YY1AP1: variants seen among roughly 807,000 people sequenced by gnomAD.
The protein encoded by YY1AP1 is YY1-associated protein 1.
In YY1AP1, 43 loss-of-function variants were observed where a neutral mutation model predicts 39.9. The observed-to-expected ratio is 1.08, with a 90% confidence interval of 0.84 to 1.39. The LOEUF is 1.39. Among genes scored for constraint, YY1AP1 ranks in the 40% most tolerant of loss-of-function variants. YY1AP1 has a pLI of 0.00. For synonymous variants in YY1AP1, 292 were observed against 331.3 expected (o/e 0.88, Z 1.29); for missense variants, 813 against 900.7 (o/e 0.90, Z 1.25).
intron 2 of YY1AP1, among the ~76,000 whole-genome samples, chr1:155,682,723 T>C (rs942292270): frequency 6.6e-6 from 1 of 152,134 alleles, no homozygotes; most frequent in African/African-American, 2.4e-5. Flanking sequence ...AACTATCCAA[T>C]GGAATTCCTG....
intron 6 of YY1AP1, 120 bp downstream of exon 6, chr1:155,674,890 A>G: frequency 1.2e-6 from 1 of 822,094 alleles, no homozygotes; most frequent in Non-Finnish European, 2.0e-6. Context: ...GCTTATGTTC[A>G]CTCAGCAAAC....
Position 155,670,305 on chromosome 1 carries a change from A to G in YY1AP1, c.728+15T>C, listed in dbSNP as rs1649660914. On this transcript the variant is annotated intron_variant, in intron 8 of 10. Transcript: ENST00000355499. ...TTCTCCTTGGGATATTTGATCCCCC[A>G]GAGTAAACACTTACTTGTCCTCAGC... 3.7e-6 allele frequency: 6 copies of G among 1,611,972 alleles called. No homozygotes were observed. Among genetic ancestry groups the G allele is most frequent in the African/African-American group, 1.3e-5 (1 of 74,972 alleles).
chr1:155,670,694 T>TA (rs1183291043), intron 7 of YY1AP1: 4 of 412,180 alleles, frequency 9.7e-6, no homozygotes, highest in South Asian at 6.8e-5. Context: ...TTTTTTTTTT[T>TA]AGACGGAGTC....
In YY1AP1 at chr1:155,660,803, T is replaced by G; in HGVS notation, c.1107A>C (p.Lys369Asn). ...TTTCACTCCCCAACTCTGAGTTGTC[T>G]TTTTCTAGGCCTTGATCTGAGTTGA... ...TEINSDQGLEKDNSELGSETR... is the reference protein window; with the variant it reads ...TEINSDQGLENDNSELGSETR... Residue 369 changes from lysine (K) to asparagine (N), a missense_variant, in exon 11 of 11, where the codon AAA becomes AAC. Coordinates refer to ENST00000355499, the MANE Select transcript of YY1AP1 (RefSeq NM_139119.3). 6.2e-7 allele frequency: 1 copy of G among 1,614,220 alleles called. No homozygotes were observed. The highest frequency in any genetic ancestry group is 8.5e-7 in the Non-Finnish European group (1 of 1,180,026).
chr1:155,679,260 T>C, intron 4 of YY1AP1, 149 bp downstream of exon 4: 1 of 1,539,116 alleles, frequency 6.5e-7, no homozygotes, highest in Non-Finnish European at 8.8e-7. Flanking sequence ...AGACTTCACT[T>C]GACACCTAAC....
chr1:155,668,942 C>T (rs1163422249), intron 8 of YY1AP1, among the ~76,000 whole-genome samples, 165 bp from the exon 9 acceptor site: 1 of 152,216 alleles, frequency 6.6e-6, no homozygotes, highest in Non-Finnish European at 1.5e-5. Context: ...CAGCCCACTG[C>T]AGCTGCTACT....
At position 155,659,842 on chromosome 1, in the gene YY1AP1, C is replaced by T. The variant is rs1182721768; in HGVS notation, c.2068G>A (p.Glu690Lys). Residue 690 changes from glutamate (E) to lysine (K), a missense_variant, in exon 11 of 11, where the codon GAA becomes AAA. Transcript: ENST00000355499. Reference protein sequence around the residue: ...GPPPVDKQCQEGLSENSAYRW... With the variant: ...GPPPVDKQCQKGLSENSAYRW... Reference sequence around the variant, plus strand: ...TAGGCACTGTTCTCTGACAATCCTTCTTGGCACTGTTTATCGACTGGTGGA... The same window carrying T: ...TAGGCACTGTTCTCTGACAATCCTTTTTGGCACTGTTTATCGACTGGTGGA... 1 of 1,614,222 alleles carries T rather than the reference C, an allele frequency of 6.2e-7. No homozygotes were observed. Among genetic ancestry groups the T allele is most frequent in the East Asian group, 2.2e-5 (1 of 44,888 alleles).
chr1:155,673,274 A>G (rs1218720220), intron 6 of YY1AP1, among the ~76,000 whole-genome samples: 2 of 151,950 alleles, frequency 1.3e-5, no homozygotes, highest in Admixed American at 1.3e-4. Flanking sequence ...TCGGCCTCTC[A>G]TAGTGCTGGG....
At chr1:155,674,752 G>C (rs1218650517) in intron 6 of YY1AP1, 2 of 267,246 alleles carry the variant, frequency 7.5e-6, no homozygotes, top group Non-Finnish European at 1.4e-5. Flanking sequence ...CTTGAACCCG[G>C]GAGGCAGGGG....
intron 2 of YY1AP1, among the ~76,000 whole-genome samples, chr1:155,683,691 A>C (rs1651831326): frequency 6.6e-6 from 1 of 152,124 alleles, no homozygotes; most frequent in Non-Finnish European, 1.5e-5. Context: ...AACAACAACA[A>C]GTGAAATACT....
intron 2 of YY1AP1, among the ~76,000 whole-genome samples, chr1:155,687,562 G>T (rs374895029): frequency 0.045 from 6,012 of 134,790 alleles, 673 homozygotes; most frequent in African/African-American, 0.22. Context: ...CCATCTGTCT[G>T]CTAGACCAAA....
chr1:155,661,485 C>T, intron 9 of YY1AP1, 62 bp from the exon 10 acceptor site: 1 of 1,606,574 alleles, frequency 6.2e-7, no homozygotes, highest in Admixed American at 1.7e-5. Flanking sequence ...TTCTGTCAGG[C>T]TGGTGAATGG....
At chr1:155,670,204 A>G (rs1367986529) in intron 8 of YY1AP1, 116 bp downstream of exon 8, 12 of 1,426,470 alleles carry the variant, frequency 8.4e-6, no homozygotes, top group East Asian at 2.3e-5. Context: ...CTGCTCATCT[A>G]TACTGCTTTT....
rs963930687 is a variant in YY1AP1 at position 155,660,147 on chromosome 1, A to G, written c.1763T>C (p.Ile588Thr). The G allele has an allele frequency of 1.2e-5, 19 of 1,614,218 alleles. No individual in the cohort carries two copies. Among genetic ancestry groups the G allele is most frequent in the Non-Finnish European group, 1.5e-5 (18 of 1,180,040 alleles). ...GTTAACCAAGAGGGTGGCGATGGGA[A>G]TAGTCTGGGGACTCTGGGCCACAGC... ...NAAVAQSPQTIPIATLLVNPT... is the reference protein window; with the variant it reads ...NAAVAQSPQTTPIATLLVNPT... The change falls in exon 11 of 11, where the codon ATT (isoleucine) becomes ACT (threonine). Residue 588 changes from isoleucine (I) to threonine (T), a missense_variant. This residue lies in a region of YY1AP1 where 586 missense variants were observed against 647.4 expected (regional missense o/e 0.91). Transcript: ENST00000355499.
rs1220588942 is a variant in YY1AP1, at chr1:155,662,521, A to G, written c.880-1098T>C. The stretch of plus-strand genomic sequence containing the variant: ...TCCATCTCAAAAAAAAAAAAAGAAG[A>G]TAAGAACTGAACTTAAACCATGACA... On this transcript the variant is annotated intron_variant, in intron 9 of 10. Coordinates refer to ENST00000355499, the MANE Select transcript of YY1AP1 (RefSeq NM_139119.3). Among the ~76,000 whole-genome samples the G allele has an allele frequency of 1.5e-5, 2 of 132,346 alleles. 1 individual carries two copies. The highest frequency in any genetic ancestry group is 3.1e-5 in the Non-Finnish European group (2 of 64,996). The allele number at this position is 132,346 out of a possible 152,430, so 86.8% of individuals were successfully genotyped here.
intron 7 of YY1AP1, 110 bp downstream of exon 7, chr1:155,672,450 C>T: frequency 7.9e-7 from 1 of 1,263,486 alleles, no homozygotes; most frequent in Non-Finnish European, 1.1e-6. Context: ...TTACAAATGT[C>T]CTGTGTCCTC....
At chr1:155,681,278 C>T (rs1651476902) in intron 2 of YY1AP1, among the ~76,000 whole-genome samples, 2 of 151,702 alleles carry the variant, frequency 1.3e-5, no homozygotes, top group African/African-American at 4.9e-5. Context: ...GATCCGCCCA[C>T]CTCAGCCTCC....
chr1:155,668,522 T>G, intron 9 of YY1AP1, 105 bp downstream of exon 9: 1 of 1,572,050 alleles, frequency 6.4e-7, no homozygotes, highest in South Asian at 1.1e-5. Flanking sequence ...TAGGAGAAAT[T>G]AGCTTTAGAT....
In YY1AP1 at chr1:155,659,643, C is replaced by T. The variant is rs1647710722; in HGVS notation, c.*14G>A. On this transcript the variant is annotated 3_prime_UTR_variant, in exon 11 of 11. Coordinates refer to ENST00000355499, the MANE Select transcript of YY1AP1 (RefSeq NM_139119.3). The stretch of plus-strand genomic sequence containing the variant: ...AGTGAAGGCTCCCAGTCTCCAGACT[C>T]TTATTCTCCTAGCTCAAAGAAATCC... 6.2e-7 allele frequency: 1 copy of T among 1,613,798 alleles called. No individual in the cohort carries two copies. The highest frequency in any genetic ancestry group is 1.7e-5 in the Admixed American group (1 of 59,984).
Sources: gnomAD v4.1 joint callset for allele counts (sites outside exome capture counted in the v4.1 genomes callset) on GRCh38, gnomAD v4.1.1 for gene constraint, gnomAD v4.1.1 regional missense constraint, MANE v1.5 for transcripts, NCBI Gene and HGNC (gene_info 2026-07-23, HGNC 2026-07-21) for gene names.